The following SFMBT2 variants were observed in gnomAD, a reference collection of about 807,000 sequenced individuals.
SFMBT2 encodes the protein Scm like with four mbt domains 2, also known as scm-like with four MBT domains protein 2.
SFMBT2 carries 38 observed loss-of-function variants against 110.1 expected under a neutral mutation model. The ratio of observed to expected loss-of-function variants is 0.35; its 90% confidence interval spans 0.27 to 0.45. The LOEUF (loss-of-function observed/expected upper bound fraction) is 0.45. SFMBT2 is among the 20% of genes least tolerant of loss of function. SFMBT2 has a pLI of 1.00. For synonymous variants in SFMBT2, 425 were observed against 425.4 expected, an observed-to-expected ratio of 1.00 and a Z score of 0.01; for missense variants, 1,011 against 1,094.9, an observed-to-expected ratio of 0.92 and a Z score of 1.08.
intron 1 of SFMBT2, among the ~76,000 whole-genome samples, chr10:7,387,458 C>A (rs895321591): frequency 2.0e-5 from 3 of 152,108 alleles, no homozygotes; most frequent in African/African-American, 7.2e-5. Context: ...GTCCGTCCAA[C>A]CGCACACATA....
At chr10:7,297,974 A>G (rs1421524075) in intron 4 of SFMBT2, among the ~76,000 whole-genome samples, 1 of 152,168 alleles carries the variant, frequency 6.6e-6, no homozygotes. Flanking sequence ...TTCTCCACTC[A>G]GGGGGCTCTC....
chr10:7,209,716 A>C (rs971635643), intron 11 of SFMBT2, among the ~76,000 whole-genome samples: 1 of 152,254 alleles, frequency 6.6e-6, no homozygotes. Context: ...AGGAAATGCA[A>C]AATACTAACA....
intron 2 of SFMBT2, among the ~76,000 whole-genome samples, chr10:7,373,894 C>T (rs552148986): frequency 4.6e-5 from 7 of 152,292 alleles, no homozygotes; most frequent in African/African-American, 9.6e-5. Flanking sequence ...CAAGGTTCTA[C>T]GTAGGACTCC....
intron 8 of SFMBT2, chr10:7,244,330 G>A (rs1362002058): frequency 4.8e-6 from 1 of 206,188 alleles, no homozygotes. Context: ...GGAATAAACC[G>A]CCCTCACTCT....
At chr10:7,209,673 C>A (rs1013151085) in intron 11 of SFMBT2, among the ~76,000 whole-genome samples, 8 of 152,170 alleles carry the variant, frequency 5.3e-5, no homozygotes, top group African/African-American at 1.9e-4. Flanking sequence ...GGGGAAATAA[C>A]ATATATTCAT....
chr10:7,164,085 T>C (rs906486836), intron 20 of SFMBT2, 175 bp from the exon 21 acceptor site: 4 of 985,262 alleles, frequency 4.1e-6, no homozygotes, highest in Non-Finnish European at 4.8e-6. Context: ...CTAATCTTTG[T>C]GTTACTAAAA....
chr10:7,230,717 G>A (rs1840091726), intron 9 of SFMBT2, among the ~76,000 whole-genome samples: 1 of 152,220 alleles, frequency 6.6e-6, no homozygotes, highest in Non-Finnish European at 1.5e-5. Flanking sequence ...GGCAGATCAT[G>A]AGGTCAGGAG....
intron 7 of SFMBT2, among the ~76,000 whole-genome samples, chr10:7,270,543 T>C (rs1262304283): frequency 1.3e-5 from 2 of 152,222 alleles, no homozygotes; most frequent in Non-Finnish European, 2.9e-5. Context: ...AATGAAAGTA[T>C]CTCACCAGCT....
At chr10:7,325,043 C>A (rs1843337160) in intron 4 of SFMBT2, among the ~76,000 whole-genome samples, 1 of 145,156 alleles carries the variant, frequency 6.9e-6, no homozygotes, top group Non-Finnish European at 1.5e-5. Flanking sequence ...TCTCGGCTCA[C>A]TACAACCTCC....
chr10:7,246,693 T>C (rs1490913433), intron 8 of SFMBT2, among the ~76,000 whole-genome samples: 1 of 109,124 alleles, frequency 9.2e-6, no homozygotes, highest in Non-Finnish European at 1.7e-5. Context: ...CACTCTAGCC[T>C]GGGTGACGGA....
chr10:7,393,020 TATATATATATATATAA>T (rs1564473088), intron 1 of SFMBT2, among the ~76,000 whole-genome samples: 2,191 of 74,962 alleles, frequency 0.029, 93 homozygotes, highest in African/African-American at 0.13. Context: ...TATATATATA[TATATATATATATATAA>T]TTTTTTTTTT....
At chr10:7,328,531 T>C (rs1313973632) in intron 4 of SFMBT2, among the ~76,000 whole-genome samples, 2 of 152,248 alleles carry the variant, frequency 1.3e-5, no homozygotes, top group Non-Finnish European at 2.9e-5. Flanking sequence ...TCTTGCCTAA[T>C]CCCAACCCAC....
At chr10:7,395,571 C>T (rs529920499) in intron 1 of SFMBT2, among the ~76,000 whole-genome samples, 1 of 152,290 alleles carries the variant, frequency 6.6e-6, no homozygotes, top group South Asian at 2.1e-4. Context: ...AAATGCTAGA[C>T]TTCTTCAATT....
chr10:7,353,869 T>C (rs955427062), intron 4 of SFMBT2, among the ~76,000 whole-genome samples: 1 of 152,096 alleles, frequency 6.6e-6, no homozygotes, highest in Non-Finnish European at 1.5e-5. Context: ...GCGGATCACC[T>C]GAGGTCAGCA....
intron 2 of SFMBT2, chr10:7,370,893 A>G (rs1312817922): frequency 1.5e-6 from 1 of 675,624 alleles, no homozygotes; most frequent in Non-Finnish European, 1.8e-6. Flanking sequence ...GTGTGGGGCC[A>G]CCCAGCCAGT....
intron 12 of SFMBT2, chr10:7,202,778 G>A (rs574192318): frequency 2.0e-6 from 2 of 985,126 alleles, no homozygotes; most frequent in Admixed American, 6.1e-5. Context: ...ATTTTTAAAT[G>A]TGCATTTAAG....
At chr10:7,311,500 G>A (rs745874271) in intron 4 of SFMBT2, among the ~76,000 whole-genome samples, 2 of 152,216 alleles carry the variant, frequency 1.3e-5, no homozygotes, top group Non-Finnish European at 2.9e-5. Context: ...TCATCCAAGA[G>A]TGACTAACCC....
At chr10:7,187,895 T>C (rs1457149801) in intron 16 of SFMBT2, among the ~76,000 whole-genome samples, 1 of 152,222 alleles carries the variant, frequency 6.6e-6, no homozygotes, top group Non-Finnish European at 1.5e-5. Context: ...TAGTAAAACC[T>C]ATTCTATTTG....
At chr10:7,379,921 G>C (rs934980613) in intron 2 of SFMBT2, among the ~76,000 whole-genome samples, 2 of 152,150 alleles carry the variant, frequency 1.3e-5, no homozygotes, top group African/African-American at 4.8e-5. Context: ...TCATTAATGA[G>C]TTTCAGAAAC....
Sources: allele counts gnomAD v4.1 joint callset (sites outside exome capture counted in the v4.1 genomes callset), GRCh38; gene constraint gnomAD v4.1.1; transcripts MANE v1.5; gene names NCBI Gene and HGNC (gene_info 2026-07-23, HGNC 2026-07-21).